The following ZNF544 variants were observed in gnomAD, a reference collection of about 807,000 sequenced individuals.
ZNF544 encodes zinc finger protein 544, also known as zinc finger protein AF020591.
A neutral mutation model predicts 13.5 loss-of-function variants in ZNF544; 10 were observed. The ratio of observed to expected loss-of-function variants is 0.74; its 90% CI spans 0.46 to 1.25. ZNF544 has a LOEUF of 1.25. Ranked by LOEUF, ZNF544 falls within the 50% of genes most tolerant of loss-of-function variation. The probability of loss-of-function intolerance (pLI) is 0.00; values close to 1 mark genes in which losing one functional copy is unlikely to be tolerated. For synonymous variants in ZNF544, 323 were observed against 300.5 expected (o/e 1.07, Z -0.77); for missense variants, 896 against 845.6 (o/e 1.06, Z -0.74).
At chr19:58,238,970 TCTC>T (rs1014387104) in intron 3 of ZNF544, among the ~76,000 whole-genome samples, 10 of 152,244 alleles carry the variant, frequency 6.6e-5, no homozygotes, top group African/African-American at 2.2e-4. Flanking sequence ...GTGAGTTTCT[TCTC>T]CTTGTGCAGG....
At chr19:58,241,084 G>A (rs2043498228) in intron 3 of ZNF544, among the ~76,000 whole-genome samples, 1 of 111,194 alleles carries the variant, frequency 9.0e-6, no homozygotes, top group South Asian at 2.8e-4. Context: ...CAATCATCCT[G>A]CCTCAGTCTC....
intron 6 of ZNF544, chr19:58,258,263 A>C (rs1022956188): frequency 2.0e-5 from 3 of 152,224 alleles, no homozygotes; most frequent in Admixed American, 1.3e-4. Flanking sequence ...ATCCTCAAAT[A>C]CCCTTCATTG....
chr19:58,234,982 TTC>T (rs1196565786), intron 3 of ZNF544, among the ~76,000 whole-genome samples: 3 of 152,188 alleles, frequency 2.0e-5, no homozygotes, highest in Non-Finnish European at 1.5e-5. Context: ...ACAGGAAGAT[TTC>T]TCTCTCTTTT....
chr19:58,251,434 T>C (rs758421588), intron 6 of ZNF544: 2 of 516,054 alleles, frequency 3.9e-6, no homozygotes, highest in Admixed American at 2.0e-5. Flanking sequence ...TCCTAGTACT[T>C]TGACCCCAGA....
At chr19:58,255,563 G>T (rs1980766987) in intron 6 of ZNF544, among the ~76,000 whole-genome samples, 1 of 152,220 alleles carries the variant, frequency 6.6e-6, no homozygotes, top group African/African-American at 2.4e-5. Context: ...CCTCAGTGAA[G>T]TCTGAGATGT....
chr19:58,276,050 A>C (rs1268933952), intron 5 of ZNF544, among the ~76,000 whole-genome samples: 1 of 152,046 alleles, frequency 6.6e-6, no homozygotes, highest in East Asian at 1.9e-4. Flanking sequence ...GGTGGCTCTC[A>C]CCTGTGCTCC....
At chr19:58,249,712 G>GC (rs1400734566) in intron 6 of ZNF544, among the ~76,000 whole-genome samples, 1 of 152,050 alleles carries the variant, frequency 6.6e-6, no homozygotes, top group Non-Finnish European at 1.5e-5. Context: ...AAAGACCTAA[G>GC]CCCCCCTTTA....
chr19:58,277,042 T>C (rs1372475599), intron 6 of ZNF544: 1 of 451,780 alleles, frequency 2.2e-6, no homozygotes, highest in Non-Finnish European at 3.6e-6. Flanking sequence ...GCTTAAAGTA[T>C]CAGTCTGATT....
At chr19:58,232,791 CA>C (rs200491692) in intron 3 of ZNF544, among the ~76,000 whole-genome samples, 6,011 of 119,648 alleles carry the variant, frequency 0.05, 428 homozygotes, top group African/African-American at 0.17. Flanking sequence ...AAAAAAAATA[CA>C]AAAAATTAGC....
rs367729359 is a variant in ZNF544, at chr19:58,269,658, C to T, written c.245-6665C>T. 5.4e-5 allele frequency among the ~76,000 whole-genome samples: 8 copies of T among 149,128 alleles called. No individual in the cohort carries two copies. In the South Asian group the frequency reaches 6.5e-4, roughly 12 times the overall value. ...ATGGCAGGGCTGGCATGGTGGCTCA[C>T]GCCTGTAATCCCAGCACTTTGGGAG... On this transcript the variant is annotated intron_variant, in intron 5 of 6. Transcript: ENST00000595981.
chr19:58,236,572 T>C (rs1035156270), intron 3 of ZNF544, among the ~76,000 whole-genome samples: 1 of 151,652 alleles, frequency 6.6e-6, no homozygotes, highest in Non-Finnish European at 1.5e-5. Flanking sequence ...TATATACTTA[T>C]AGGAAGCTGC....
intron 6 of ZNF544, chr19:58,258,242 TC>T (rs1033442260): frequency 9.8e-5 from 15 of 152,516 alleles, no homozygotes; most frequent in African/African-American, 3.6e-4. Flanking sequence ...CTGACTTCTT[TC>T]CTGCTTCTCA....
intron 3 of ZNF544, among the ~76,000 whole-genome samples, chr19:58,241,921 T>TTC (rs143693031): frequency 0.01 from 1,559 of 149,574 alleles, 20 homozygotes; most frequent in East Asian, 0.035. Context: ...TGCTGTTCAC[T>TTC]TCTCTCTCTC....
downstream of ZNF544, among the ~76,000 whole-genome samples, chr19:58,265,776 CGAG>C (rs1168960025): frequency 6.6e-6 from 1 of 150,418 alleles, no homozygotes; most frequent in East Asian, 2.1e-4. Flanking sequence ...TTTTTAGAGA[CGAG>C]GTCTCACCAT....
downstream of ZNF544, among the ~76,000 whole-genome samples, chr19:58,266,166 G>A (rs1482369175): frequency 3.8e-5 from 5 of 132,012 alleles, no homozygotes; most frequent in African/African-American, 1.1e-4. Context: ...AGACTGCGCC[G>A]TTGAACTCCA....
intron 5 of ZNF544, among the ~76,000 whole-genome samples, chr19:58,269,775 GC>G (rs1311585618): frequency 6.6e-6 from 1 of 152,048 alleles, no homozygotes; most frequent in East Asian, 1.9e-4. Context: ...ACAAAAATTA[GC>G]CAAGTGTGGT....
At chr19:58,246,920 G>T (rs564223932) in intron 6 of ZNF544, 126 bp downstream of exon 6, 23 of 769,830 alleles carry the variant, frequency 3.0e-5, no homozygotes, top group African/African-American at 2.8e-4. Flanking sequence ...GCTCTTTGCA[G>T]CAGTTCACCC....
downstream of ZNF544, among the ~76,000 whole-genome samples, chr19:58,268,765 A>G (rs432426): frequency 0.57 from 87,309 of 152,110 alleles, 25,265 homozygotes; most frequent in Middle Eastern, 0.66. Flanking sequence ...CATAGGCTGT[A>G]AGCTGGAACG....
chr19:58,257,004 C>G (rs2047594788), intron 6 of ZNF544, among the ~76,000 whole-genome samples: 1 of 151,598 alleles, frequency 6.6e-6, no homozygotes, highest in African/African-American at 2.4e-5. Context: ...TCACTGCAAG[C>G]TCCGCCTCCC....
Sources: allele counts gnomAD v4.1 joint callset (sites outside exome capture counted in the v4.1 genomes callset), GRCh38; gene constraint gnomAD v4.1.1; transcripts MANE v1.5; gene names NCBI Gene and HGNC (gene_info 2026-07-23, HGNC 2026-07-21).